The following NALCN variants were observed in gnomAD, a reference collection of about 807,000 sequenced individuals.
NALCN encodes sodium leak channel NALCN.
NALCN carries 111 observed loss-of-function variants against 225.3 expected under a neutral mutation model. That is an observed-to-expected ratio of 0.49 (90% CI 0.42 to 0.58). The LOEUF is 0.58. Ranked by LOEUF, NALCN falls within the 20% of genes least tolerant of loss-of-function variation. The pLI is 0.00. For missense variants in NALCN, 1,378 were observed against 2,202.4 expected (o/e 0.63, Z 7.49); for synonymous variants, 764 against 769.0 (o/e 0.99, Z 0.11).
intron 7 of NALCN, among the ~76,000 whole-genome samples, chr13:101,327,075 G>T (rs552684257): frequency 2.0e-5 from 3 of 152,030 alleles, no homozygotes; most frequent in African/African-American, 7.2e-5. Flanking sequence ...TTAAGGGGAG[G>T]AAAAATACAT....
rs139871555 is a variant in NALCN at position 101,264,348 on chromosome 13, T to C, written c.1135-5774A>G. 1.4e-3 allele frequency among the ~76,000 whole-genome samples: 215 copies of C among 152,292 alleles called. 4 individuals are homozygous for C. The East Asian group carries it at 0.038, about 27-fold the overall frequency. ...ACATTTTTTAAAAGCAGAGGAGTTT[T>C]GGATATGTTTTTAGTTTGGCTTTGA... is the stretch of plus-strand genomic sequence containing the variant. On this transcript the variant is annotated intron_variant, in intron 10 of 43. Transcript: ENST00000251127.
chr13:101,315,995 C>T (rs2044540421), intron 7 of NALCN, among the ~76,000 whole-genome samples: 1 of 152,136 alleles, frequency 6.6e-6, no homozygotes, highest in Non-Finnish European at 1.5e-5. Flanking sequence ...TCCTTGCCTT[C>T]TTTCCATGTT....
intron 6 of NALCN, among the ~76,000 whole-genome samples, chr13:101,356,113 C>T (rs537439871): frequency 6.6e-6 from 1 of 152,062 alleles, no homozygotes; most frequent in African/African-American, 2.4e-5. Flanking sequence ...CAAATGGATA[C>T]CCTAACATCA....
chr13:101,182,250 CAG>C (rs1566395451), intron 14 of NALCN, among the ~76,000 whole-genome samples: 2 of 151,344 alleles, frequency 1.3e-5, no homozygotes. Flanking sequence ...CAGAGCAGGA[CAG>C]AGAGAGCCAC....
chr13:101,301,646 G>A (rs1469376600), intron 7 of NALCN, among the ~76,000 whole-genome samples: 2 of 150,286 alleles, frequency 1.3e-5, no homozygotes, highest in African/African-American at 4.9e-5. Flanking sequence ...GCTTGAACCT[G>A]GGAGGCAGAG....
intron 17 of NALCN, among the ~76,000 whole-genome samples, chr13:101,134,417 T>C (rs1466130312): frequency 6.6e-6 from 1 of 152,240 alleles, no homozygotes; most frequent in Non-Finnish European, 1.5e-5. Flanking sequence ...CAATAGATTG[T>C]AAACTCCTTA....
intron 6 of NALCN, among the ~76,000 whole-genome samples, chr13:101,359,288 A>T (rs558976830): frequency 6.6e-6 from 1 of 152,338 alleles, no homozygotes. Context: ...TTACCCAGAA[A>T]GTTCTGAAAA....
chr13:101,223,237 T>A (rs1293462992), intron 13 of NALCN, among the ~76,000 whole-genome samples: 2 of 152,150 alleles, frequency 1.3e-5, no homozygotes, highest in African/African-American at 4.8e-5. Context: ...TAAAAGCCAT[T>A]TCCCATCAAT....
rs1310001308 is a variant in NALCN at position 101,055,178 on chromosome 13, A to T, written c.*117T>A. 6 of 800,912 alleles carry T rather than the reference A, an allele frequency of 7.5e-6. No individual in the cohort carries two copies. The highest frequency in any genetic ancestry group is 2.0e-6 in the Non-Finnish European group (1 of 511,762). The allele number at this position is 800,912 out of a possible 1,614,324, so 49.6% of individuals were successfully genotyped here. ...GCAGGATGAAAATCAATTTATAAAC[A>T]TCTTGTGACAAGCTGGAATTCAGTT... On this transcript the variant is annotated 3_prime_UTR_variant, in exon 44 of 44. Coordinates refer to ENST00000251127, the MANE Select transcript of NALCN (RefSeq NM_052867.4).
At chr13:101,279,876 T>TAAATAAAAA (rs1165525046) in intron 10 of NALCN, among the ~76,000 whole-genome samples, 3 of 148,934 alleles carry the variant, frequency 2.0e-5, no homozygotes, top group Non-Finnish European at 4.5e-5. Context: ...AATAAATAAA[T>TAAATAAAAA]AAAAAGAAGT....
chr13:101,141,033 A>G (rs1274576702), intron 17 of NALCN, among the ~76,000 whole-genome samples: 1 of 152,228 alleles, frequency 6.6e-6, no homozygotes, highest in Non-Finnish European at 1.5e-5. Flanking sequence ...TGTCCATATC[A>G]TAATTTTTCA....
intron 14 of NALCN, among the ~76,000 whole-genome samples, chr13:101,190,449 A>AC (rs2039636212): frequency 6.6e-6 from 1 of 152,180 alleles, no homozygotes; most frequent in Non-Finnish European, 1.5e-5. Context: ...AGATGCAAAG[A>AC]CCCCAGGGCT....
intron 7 of NALCN, among the ~76,000 whole-genome samples, chr13:101,324,784 C>T (rs1041654228): frequency 3.9e-5 from 6 of 152,262 alleles, no homozygotes; most frequent in South Asian, 4.1e-4. Context: ...TCCTGCCTGA[C>T]TGCCCTGGCC....
At chr13:101,112,790 G>A (rs1043885323) in intron 18 of NALCN, among the ~76,000 whole-genome samples, 2 of 152,128 alleles carry the variant, frequency 1.3e-5, no homozygotes, top group Non-Finnish European at 2.9e-5. Flanking sequence ...ATCTGTCTGA[G>A]AATTAAGATC....
chr13:101,162,167 C>G (rs190174461), intron 15 of NALCN, among the ~76,000 whole-genome samples: 2 of 152,204 alleles, frequency 1.3e-5, no homozygotes, highest in Non-Finnish European at 2.9e-5. Context: ...ACGAGTGTCT[C>G]TCCTTAAATG....
At chr13:101,205,498 G>T (rs1352065206) in intron 13 of NALCN, among the ~76,000 whole-genome samples, 2 of 151,966 alleles carry the variant, frequency 1.3e-5, no homozygotes, top group South Asian at 2.1e-4. Flanking sequence ...AATCTTTCTT[G>T]CAGAGCATGG....
intron 14 of NALCN, 129 bp downstream of exon 14, chr13:101,191,788 C>T: frequency 2.4e-6 from 2 of 849,698 alleles, no homozygotes; most frequent in Non-Finnish European, 3.5e-6. Context: ...GGAGGGATCT[C>T]ATCCAACCAG....
chr13:101,224,039 C>T (rs1246613388), intron 13 of NALCN, among the ~76,000 whole-genome samples: 1 of 152,138 alleles, frequency 6.6e-6, no homozygotes, highest in Non-Finnish European at 1.5e-5. Context: ...CCTTACTACA[C>T]CCATGGCAGC....
At position 101,401,090 on chromosome 13, in the gene NALCN, G is replaced by A. The variant is rs139228060; in HGVS notation, c.-39-1925C>T. Among the ~76,000 whole-genome samples the A allele has an allele frequency of 1.7e-3, 256 of 152,226 alleles. 1 individual carries two copies. The highest frequency in any genetic ancestry group is 5.9e-3 in the African/African-American group (245 of 41,538). On this transcript the variant is annotated intron_variant, in intron 1 of 43. Coordinates refer to ENST00000251127, the MANE Select transcript of NALCN (RefSeq NM_052867.4). The stretch of plus-strand genomic sequence containing the variant: ...TATTTCTTTATAGAAGTGTGAAAAC[G>A]GACGGATTCACCTCCTATTCCCAGA...
Sources: allele counts gnomAD v4.1 joint callset (sites outside exome capture counted in the v4.1 genomes callset), GRCh38; gene constraint gnomAD v4.1.1; transcripts MANE v1.5; gene names NCBI Gene and HGNC (gene_info 2026-07-23, HGNC 2026-07-21).